LGSN: variants seen among roughly 807,000 people sequenced by gnomAD.
The protein encoded by LGSN is lengsin.
In LGSN, 21 loss-of-function variants were observed where a neutral mutation model predicts 19.5. That is an observed-to-expected ratio of 1.07 (90% CI 0.76 to 1.55). The LOEUF (loss-of-function observed/expected upper bound fraction) is 1.55, where lower values mean the gene tolerates loss of function less well. Among genes scored for constraint, LGSN ranks in the 40% most tolerant of loss-of-function variants. LGSN has a pLI of 0.00. For missense variants in LGSN, 673 were observed against 608.5 expected (o/e 1.11, Z -1.12); for synonymous variants, 257 against 215.6 (o/e 1.19, Z -1.68).
the LGSN span, among the ~76,000 whole-genome samples, chr6:63,344,145 C>T: frequency 1.3e-5 from 2 of 152,164 alleles, no homozygotes; most frequent in Non-Finnish European, 2.9e-5. Context: ...CCCTGACTTC[C>T]AAGTTATAGA....
chr6:63,432,153 G>GAA, the LGSN span, among the ~76,000 whole-genome samples: 4 of 104,336 alleles, frequency 3.8e-5, no homozygotes, highest in African/African-American at 1.6e-4. Flanking sequence ...AAGAAAGAAA[G>GAA]AAAGAAAGAA....
At chr6:63,451,123 T>C in the LGSN span, among the ~76,000 whole-genome samples, 2 of 151,968 alleles carry the variant, frequency 1.3e-5, no homozygotes, top group Non-Finnish European at 2.9e-5. Flanking sequence ...ATGAAAAAAA[T>C]CATACACTGT....
At chr6:63,483,432 C>T in the LGSN span, among the ~76,000 whole-genome samples, 1 of 150,836 alleles carries the variant, frequency 6.6e-6, no homozygotes, top group African/African-American at 2.4e-5. Context: ...GTGGCCTGAT[C>T]TGGGCTCACT....
At chr6:63,427,208 C>T in the LGSN span, among the ~76,000 whole-genome samples, 10 of 152,008 alleles carry the variant, frequency 6.6e-5, no homozygotes, top group African/African-American at 2.4e-4. Flanking sequence ...CCACACCTGG[C>T]TAATTTTGTA....
At chr6:63,482,710 T>C in the LGSN span, among the ~76,000 whole-genome samples, 5 of 152,114 alleles carry the variant, frequency 3.3e-5, no homozygotes, top group Non-Finnish European at 1.5e-5. Flanking sequence ...CTATTCTTTC[T>C]TTTTTTTGGA....
the LGSN span, among the ~76,000 whole-genome samples, chr6:63,535,154 A>T: frequency 1.3e-5 from 2 of 152,158 alleles, no homozygotes; most frequent in African/African-American, 2.4e-5. Context: ...GGATGAAGAA[A>T]GATTTAGAAG....
intron 2 of LGSN, among the ~76,000 whole-genome samples, chr6:63,288,508 C>T (rs1273312718): frequency 6.6e-6 from 1 of 151,042 alleles, no homozygotes; most frequent in East Asian, 1.9e-4. Flanking sequence ...TTGTATGAAA[C>T]TTGATCACAA....
At chr6:63,295,811 C>T (rs1051342351) in intron 1 of LGSN, among the ~76,000 whole-genome samples, 1 of 151,976 alleles carries the variant, frequency 6.6e-6, no homozygotes, top group Non-Finnish European at 1.5e-5. Flanking sequence ...GTCACCCCTG[C>T]AGTCCCAAGA....
chr6:63,409,773 C>T, the LGSN span, among the ~76,000 whole-genome samples: 4 of 152,130 alleles, frequency 2.6e-5, no homozygotes, highest in African/African-American at 9.7e-5. Context: ...TGGCAGCTCA[C>T]ACCTGTAATC....
the LGSN span, among the ~76,000 whole-genome samples, chr6:63,336,567 A>G: frequency 6.7e-6 from 1 of 148,864 alleles, no homozygotes; most frequent in African/African-American, 2.5e-5. Flanking sequence ...GTGTGTATAT[A>G]TATATATATG....
the LGSN span, among the ~76,000 whole-genome samples, chr6:63,546,518 C>T: frequency 2.0e-5 from 3 of 152,076 alleles, no homozygotes; most frequent in African/African-American, 7.2e-5. Context: ...CCAGCCTGAC[C>T]AATATGGTGA....
chr6:63,360,114 C>A, the LGSN span, among the ~76,000 whole-genome samples: 6 of 152,010 alleles, frequency 3.9e-5, no homozygotes, highest in African/African-American at 1.4e-4. Flanking sequence ...TTCATTTCAA[C>A]TTTGGTGAAT....
the LGSN span, among the ~76,000 whole-genome samples, chr6:63,478,704 A>C: frequency 6.6e-6 from 1 of 152,244 alleles, no homozygotes; most frequent in African/African-American, 2.4e-5. Flanking sequence ...TCAAGAATTT[A>C]AACTTATTTC....
the LGSN span, among the ~76,000 whole-genome samples, chr6:63,437,481 C>A: frequency 1.3e-5 from 2 of 152,168 alleles, no homozygotes; most frequent in East Asian, 3.9e-4. Context: ...GGCCACTGTG[C>A]CGGCCTTAAT....
chr6:63,305,310 A>C (rs548030599), intron 1 of LGSN, among the ~76,000 whole-genome samples: 1 of 152,270 alleles, frequency 6.6e-6, no homozygotes, highest in African/African-American at 2.4e-5. Flanking sequence ...TCCCAGTGGA[A>C]TTTGAGACCA....
chr6:63,281,127 A>T lies in LGSN; in HGVS notation c.424T>A (p.Cys142Ser). The change falls in exon 4 of 4, where the codon TGT becomes AGT. Residue 142 changes from cysteine (C) to serine (S), a missense_variant. Cys to Ser is a moderately radical substitution (Grantham distance 112, BLOSUM62 -1). Coordinates refer to ENST00000370657, the MANE Select transcript of LGSN (RefSeq NM_016571.3). Reference protein sequence around the residue: ...DNEMNNIRATCFNSDIVLMPE... With the variant: ...DNEMNNIRATSFNSDIVLMPE... ...ATTAGGACTATGTCGCTATTAAAACATGTGGCTCTTATGTTATTCATTTCA... is the reference window on the plus strand; with the variant it reads ...ATTAGGACTATGTCGCTATTAAAACTTGTGGCTCTTATGTTATTCATTTCA... 6.2e-7 allele frequency: 1 copy of T among 1,613,800 alleles called. No individual in the cohort carries two copies. Among genetic ancestry groups the T allele is most frequent in the South Asian group, 1.1e-5 (1 of 91,068 alleles).
At chr6:63,492,887 T>C in the LGSN span, among the ~76,000 whole-genome samples, 5 of 152,360 alleles carry the variant, frequency 3.3e-5, no homozygotes, top group East Asian at 9.6e-4. Context: ...TTCGAAGTTA[T>C]ATGGCTTACA....
At chr6:63,363,848 A>T in the LGSN span, among the ~76,000 whole-genome samples, 1 of 152,170 alleles carries the variant, frequency 6.6e-6, no homozygotes, top group Admixed American at 6.5e-5. Flanking sequence ...AATACAGAGA[A>T]TGCCACAAAG....
At chr6:63,433,334 A>ATAGC in the LGSN span, among the ~76,000 whole-genome samples, 9 of 152,218 alleles carry the variant, frequency 5.9e-5, no homozygotes, top group African/African-American at 2.2e-4. Flanking sequence ...TTTATTTCTT[A>ATAGC]TAGCTATACT....
Sources: gnomAD v4.1 joint callset for allele counts (sites outside exome capture counted in the v4.1 genomes callset) on GRCh38, gnomAD v4.1.1 for gene constraint, MANE v1.5 for transcripts, NCBI Gene and HGNC (gene_info 2026-07-23, HGNC 2026-07-21) for gene names.